Variants in STAC2 observed in about 807,000 individuals in gnomAD.
STAC2 encodes the protein SH3 and cysteine rich domain 2.
In STAC2, 36 loss-of-function variants were observed where a neutral mutation model predicts 49.0. The ratio of observed to expected loss-of-function variants is 0.74; its 90% confidence interval spans 0.56 to 0.97. The LOEUF (loss-of-function observed/expected upper bound fraction) is 0.97. Ranked by LOEUF, STAC2 falls within the 50% of genes least tolerant of loss-of-function variation. The probability of loss-of-function intolerance (pLI) is 0.00; values close to 1 mark genes in which losing one functional copy is unlikely to be tolerated. For missense variants in STAC2, 527 were observed against 543.8 expected (o/e 0.97, Z 0.31); for synonymous variants, 239 against 214.7 (o/e 1.11, Z -0.99).
At position 39,216,884 on chromosome 17, in the gene STAC2, C is replaced by A. The variant is rs80245991; in HGVS notation, c.512G>T (p.Arg171Leu). ...CPGKTSTSFRRNFSSPLLVHE... is the reference protein window; with the variant it reads ...CPGKTSTSFRLNFSSPLLVHE... ...CACCAGGAGAGGGGAACTGAAGTTGCGGCGGAAGGAGGTGGACTATGGCAA... is the reference window on the plus strand; with the variant it reads ...CACCAGGAGAGGGGAACTGAAGTTGAGGCGGAAGGAGGTGGACTATGGCAA... The change falls in exon 4 of 11, where the codon CGC (arginine) becomes CTC (leucine). Residue 171 changes from arginine (R) to leucine (L), a missense_variant. By Grantham distance (102) the Arg-to-Leu change is moderately radical. Coordinates refer to ENST00000333461, the MANE Select transcript of STAC2 (RefSeq NM_198993.5). The A allele has an allele frequency of 1.2e-6, 2 of 1,602,174 alleles. No individual in the cohort carries two copies. The highest frequency in any genetic ancestry group is 8.5e-7 in the Non-Finnish European group (1 of 1,174,502).
chr17:39,217,589 A>C (rs1002186541), intron 2 of STAC2, among the ~76,000 whole-genome samples: 2 of 152,026 alleles, frequency 1.3e-5, no homozygotes, highest in African/African-American at 4.8e-5. Context: ...TGGGCATGGT[A>C]GTGTGTGCCT....
rs1471968193 is a variant in STAC2 at position 39,211,180 on chromosome 17, G to A, written c.*1112C>T. The A allele has an allele frequency of 6.6e-6, 1 of 152,384 alleles. No homozygotes were observed. Among genetic ancestry groups the A allele is most frequent in the African/African-American group, 2.4e-5 (1 of 41,434 alleles). 9.4% of individuals were successfully genotyped at this position (152,384 alleles called of 1,614,324 possible). Reference sequence around the variant, plus strand: ...TGGCGGGTGGTTCCTGTGTGACCGGGGGTCCTGACAGTGAAATGGGTTTGC... The same window carrying A: ...TGGCGGGTGGTTCCTGTGTGACCGGAGGTCCTGACAGTGAAATGGGTTTGC... On this transcript the variant is annotated 3_prime_UTR_variant, in exon 11 of 11. Coordinates refer to ENST00000333461, the MANE Select transcript of STAC2 (RefSeq NM_198993.5).
rs1462049714 is a variant in STAC2 at position 39,211,449 on chromosome 17, C to T, written c.*843G>A. 1 of 152,110 alleles carries T rather than the reference C, an allele frequency of 6.6e-6. No homozygotes were observed. Among genetic ancestry groups the T allele is most frequent in the Non-Finnish European group, 1.5e-5 (1 of 68,040 alleles). 9.4% of individuals were successfully genotyped at this position (152,110 alleles called of 1,614,324 possible). On this transcript the variant is annotated 3_prime_UTR_variant, in exon 11 of 11. Coordinates refer to ENST00000333461, the MANE Select transcript of STAC2 (RefSeq NM_198993.5). ...ACAGGCAGACCCCCATCATGCCTGG[C>T]TAAGTTTCGTACTTTTAGTAGAGAC...
intron 1 of STAC2, among the ~76,000 whole-genome samples, chr17:39,219,635 G>A (rs1016533765): frequency 3.3e-5 from 5 of 152,302 alleles, no homozygotes; most frequent in African/African-American, 4.8e-5. Context: ...ATGAGCCAGC[G>A]GCTGGACTCT....
Position 39,216,887 on chromosome 17 carries a change from C to T in STAC2, c.509G>A (p.Arg170His), listed in dbSNP as rs372275424. Residue 170 changes from arginine to histidine, a missense_variant, in exon 4 of 11, where the codon CGC becomes CAC. Arg to His is a conservative substitution (Grantham distance 29). Coordinates refer to ENST00000333461, the MANE Select transcript of STAC2 (RefSeq NM_198993.5). ...CAGGAGAGGGGAACTGAAGTTGCGG[C>T]GGAAGGAGGTGGACTATGGCAAGAG... ...QCPGKTSTSF[R>H]RNFSSPLLVH... 2.7e-5 allele frequency: 44 copies of T among 1,601,574 alleles called. No homozygotes were observed. The highest frequency in any genetic ancestry group is 2.4e-4 in the African/African-American group (18 of 74,716).
intron 4 of STAC2, among the ~76,000 whole-genome samples, chr17:39,215,992 C>T (rs1348229800): frequency 1.3e-5 from 2 of 152,008 alleles, no homozygotes; most frequent in African/African-American, 2.4e-5. Context: ...ACACTTGGCA[C>T]TTTGCCCTTT....
chr17:39,225,455 G>C lies in STAC2; in HGVS notation c.48C>G (p.Thr16=), dbSNP rs373109554. 4 of 1,609,926 alleles carry C rather than the reference G, an allele frequency of 2.5e-6. No homozygotes were observed. Among genetic ancestry groups the C allele is most frequent in the Non-Finnish European group, 3.4e-6 (4 of 1,178,716 alleles). ...CGGAGACGGTCCCTGGGGGGCTGTG[G>C]GTGGCCGCGTCATCCGGTTCGTTCT... ...EKENEPDDAA[T]HSPPGTVSAL... The change falls in exon 1 of 11, where the codon ACC becomes ACG. Residue 16 remains threonine, a synonymous_variant. Transcript: ENST00000333461. The surrounding 1 kb of genome is among the most constrained non-coding windows in gnomAD (Gnocchi z 8.2).
In STAC2 at chr17:39,212,169, G is replaced by T; in HGVS notation, c.*123C>A. 3.1e-6 allele frequency: 2 copies of T among 645,656 alleles called. No homozygotes were observed. Among genetic ancestry groups the T allele is most frequent in the South Asian group, 2.1e-5 (1 of 47,638 alleles). 40.0% of individuals were successfully genotyped at this position (645,656 alleles called of 1,614,324 possible). A position where few individuals can be genotyped will look rare whatever the true frequency, so the allele number is the denominator to read the frequency against. ...AAAGGCTCCTAAGCCACGGTAAGTG[G>T]CACCTAGGAGAGGGACAGAGGGAGG... On this transcript the variant is annotated 3_prime_UTR_variant, in exon 11 of 11. Coordinates refer to ENST00000333461, the MANE Select transcript of STAC2 (RefSeq NM_198993.5).
intron 1 of STAC2, among the ~76,000 whole-genome samples, chr17:39,220,707 C>T (rs1296296399): frequency 2.0e-5 from 3 of 152,092 alleles, no homozygotes; most frequent in Non-Finnish European, 2.9e-5. Flanking sequence ...CTCCTGACCT[C>T]GTGATTTGCC....
intron 2 of STAC2, 97 bp downstream of exon 2, chr17:39,217,770 A>G: frequency 2.4e-6 from 3 of 1,262,944 alleles, no homozygotes; most frequent in South Asian, 2.9e-5. Flanking sequence ...GGGCTCCTGA[A>G]CAGCAAGAGC....
At chr17:39,222,577 A>T (rs1189765055) in intron 1 of STAC2, among the ~76,000 whole-genome samples, 1 of 152,106 alleles carries the variant, frequency 6.6e-6, no homozygotes, top group East Asian at 1.9e-4. Flanking sequence ...GGGGCTCCTC[A>T]TTCCTGGAGA....
At chr17:39,214,891 G>A (rs1233777404) in intron 6 of STAC2, 30 bp from the exon 7 acceptor site, 2 of 1,613,882 alleles carry the variant, frequency 1.2e-6, no homozygotes, top group Admixed American at 3.3e-5. Context: ...AGGGTGAGAG[G>A]CAGCAGGGAG....
intron 1 of STAC2, among the ~76,000 whole-genome samples, chr17:39,220,028 G>A (rs1054666691): frequency 2.0e-5 from 3 of 152,216 alleles, no homozygotes; most frequent in African/African-American, 7.2e-5. Flanking sequence ...GGATGTTTGG[G>A]CACAAGGCAG....
intron 4 of STAC2, 68 bp downstream of exon 4, chr17:39,216,742 G>C: frequency 7.0e-7 from 1 of 1,434,228 alleles, no homozygotes; most frequent in South Asian, 1.2e-5. Context: ...TGGCCAGGCT[G>C]GTCAGGGATG....
intron 9 of STAC2, 107 bp from the exon 10 acceptor site, chr17:39,213,239 C>T: frequency 2.6e-6 from 4 of 1,539,236 alleles, no homozygotes; most frequent in Non-Finnish European, 3.5e-6. Flanking sequence ...CATCATCCTC[C>T]AGATCTAGGG....
intron 1 of STAC2, among the ~76,000 whole-genome samples, chr17:39,222,743 G>A (rs1187755593): frequency 2.6e-5 from 4 of 152,118 alleles, no homozygotes; most frequent in African/African-American, 9.7e-5. Flanking sequence ...GTCCAGCTAG[G>A]AGCCTGGACC....
chr17:39,223,633 AG>A (rs775602689), intron 1 of STAC2, among the ~76,000 whole-genome samples: 2 of 152,132 alleles, frequency 1.3e-5, no homozygotes, highest in East Asian at 1.9e-4. Context: ...GTACTGAGGC[AG>A]CACTACCCCA....
intron 7 of STAC2, 70 bp downstream of exon 7, chr17:39,214,721 A>G: frequency 6.4e-7 from 1 of 1,551,088 alleles, no homozygotes; most frequent in Non-Finnish European, 8.8e-7. Flanking sequence ...CCCCCTATGA[A>G]TCAATGGCAA....
rs900285002 is a variant in STAC2, at chr17:39,211,205, C to T, written c.*1087G>A. The T allele has an allele frequency of 2.0e-5, 3 of 152,214 alleles. No homozygotes were observed. Among genetic ancestry groups the T allele is most frequent in the Non-Finnish European group, 2.9e-5 (2 of 68,066 alleles). 9.4% of individuals were successfully genotyped at this position (152,214 alleles called of 1,614,324 possible). A position where few individuals can be genotyped will look rare whatever the true frequency, so the allele number is the denominator to read the frequency against. On this transcript the variant is annotated 3_prime_UTR_variant, in exon 11 of 11. Coordinates refer to ENST00000333461, the MANE Select transcript of STAC2 (RefSeq NM_198993.5). ...GGGTCCTGACAGTGAAATGGGTTTG[C>T]TTTGACCAAGCACGGGCCAGGATTT...
Sources: allele counts gnomAD v4.1 joint callset (sites outside exome capture counted in the v4.1 genomes callset), GRCh38; gene constraint gnomAD v4.1.1; non-coding constraint Gnocchi (gnomAD v3.1); transcripts MANE v1.5; gene names NCBI Gene and HGNC (gene_info 2026-07-23, HGNC 2026-07-21).